Variants in C8A observed in about 807,000 individuals in gnomAD.
C8A encodes the protein complement component C8 alpha chain.
Under a neutral mutation model 65.3 loss-of-function variants are expected in C8A, and 67 were observed. The ratio of observed to expected loss-of-function variants is 1.03; its 90% CI spans 0.84 to 1.26. The LOEUF (loss-of-function observed/expected upper bound fraction) is 1.26, where lower values mean the gene tolerates loss of function less well. C8A is among the 50% of genes most tolerant of loss of function. The probability of loss-of-function intolerance (pLI) is 0.00; values close to 1 mark genes in which losing one functional copy is unlikely to be tolerated. For synonymous variants in C8A, 290 were observed against 259.4 expected (o/e 1.12, Z -1.13); for missense variants, 781 against 723.9 (o/e 1.08, Z -0.90).
At chr1:56,896,324 G>A (rs1644386920) in intron 7 of C8A, among the ~76,000 whole-genome samples, 1 of 152,116 alleles carries the variant, frequency 6.6e-6, no homozygotes, top group South Asian at 2.1e-4. Context: ...CACCCAGGAG[G>A]GCTGATGCTT....
intron 1 of C8A, among the ~76,000 whole-genome samples, chr1:56,866,232 AT>A (rs1644087231): frequency 6.6e-6 from 1 of 152,208 alleles, no homozygotes; most frequent in South Asian, 2.1e-4. Context: ...GATTCTAGCT[AT>A]TTTCTACTAA....
rs1489834172 is a variant in C8A, at chr1:56,875,092, A to G, written c.315A>G (p.Thr105=). 1 of 1,613,442 alleles carries G rather than the reference A, an allele frequency of 6.2e-7. No homozygotes were observed. Among genetic ancestry groups the G allele is most frequent in the Admixed American group, 1.7e-5 (1 of 59,966 alleles). Residue 105 remains threonine (T), a splice_region_variant and synonymous_variant, in exon 3 of 11, where the codon ACA becomes ACG. Coordinates refer to ENST00000361249, the MANE Select transcript of C8A (RefSeq NM_000562.3). ...GACAGGATTTCCAGTGTAAGGAGAC[A>G]GGTGAGTAGCATTTCAGCAGAATAA... is the stretch of plus-strand genomic sequence containing the variant. ...QCGQDFQCKE[T]GRCLKRHLVC...
rs562015889 is a variant in C8A, at chr1:56,907,838, T to C, written c.1223-118T>C. ...TAGCTAACCAAGAAGAGAAGAAGAA[T>C]GGTAAACATCTAAGGAAAACATGTA... On this transcript the variant is annotated intron_variant, in intron 8 of 10. Coordinates refer to ENST00000361249, the MANE Select transcript of C8A (RefSeq NM_000562.3). The C allele has an allele frequency of 3.6e-3, 4,309 of 1,205,568 alleles. 12 individuals carry two copies. The highest frequency in any genetic ancestry group is 4.9e-3 in the Non-Finnish European group (4,046 of 821,992). The allele number at this position is 1,205,568 out of a possible 1,614,324, so 74.7% of individuals were successfully genotyped here. A position where few individuals can be genotyped will look rare whatever the true frequency, so the allele number is the denominator to read the frequency against.
intron 7 of C8A, among the ~76,000 whole-genome samples, chr1:56,886,391 C>A (rs1242939246): frequency 6.6e-6 from 1 of 152,114 alleles, no homozygotes; most frequent in Non-Finnish European, 1.5e-5. Flanking sequence ...ACTTGTCTAG[C>A]CCCCTAAAAC....
chr1:56,878,837 C>T (rs900677303), intron 4 of C8A, among the ~76,000 whole-genome samples: 1 of 152,110 alleles, frequency 6.6e-6, no homozygotes, highest in Non-Finnish European at 1.5e-5. Flanking sequence ...TGACAATATG[C>T]ATTATATAGA....
rs1393166830 is a variant in C8A, at chr1:56,917,516, T to G, written c.1604-49T>G. 1.2e-6 allele frequency: 2 copies of G among 1,607,868 alleles called. 1 individual carries two copies. Among genetic ancestry groups the G allele is most frequent in the South Asian group, 2.2e-5 (2 of 90,682 alleles). Reference sequence around the variant, plus strand: ...TGTTCATCACCAGACAGGCCCTTCCTTCTTAGCCATATGCTAACCTTCTCC... The same window carrying G: ...TGTTCATCACCAGACAGGCCCTTCCGTCTTAGCCATATGCTAACCTTCTCC... On this transcript the variant is annotated intron_variant, in intron 10 of 10. Coordinates refer to ENST00000361249, the MANE Select transcript of C8A (RefSeq NM_000562.3).
intron 1 of C8A, among the ~76,000 whole-genome samples, chr1:56,856,374 A>T (rs1174326895): frequency 1.3e-5 from 2 of 152,132 alleles, no homozygotes; most frequent in Admixed American, 1.3e-4. Flanking sequence ...AAGTACTTAG[A>T]TCAATACCTG....
chr1:56,858,328 T>C (rs1008671313), intron 1 of C8A, among the ~76,000 whole-genome samples: 1 of 152,204 alleles, frequency 6.6e-6, no homozygotes, highest in African/African-American at 2.4e-5. Flanking sequence ...TAGGCATTTA[T>C]GAATACTGGC....
At chr1:56,863,784 A>G (rs1004667598) in intron 1 of C8A, among the ~76,000 whole-genome samples, 4 of 152,062 alleles carry the variant, frequency 2.6e-5, no homozygotes, top group African/African-American at 9.7e-5. Flanking sequence ...TATCTCAACA[A>G]TGTCACTGCC....
chr1:56,861,577 T>G (rs1644033925), intron 1 of C8A, among the ~76,000 whole-genome samples: 1 of 152,200 alleles, frequency 6.6e-6, no homozygotes, highest in Non-Finnish European at 1.5e-5. Flanking sequence ...AACATGAGTT[T>G]GTTTTTCTCC....
At chr1:56,867,074 A>T (rs1175394110) in intron 1 of C8A, among the ~76,000 whole-genome samples, 1 of 152,212 alleles carries the variant, frequency 6.6e-6, no homozygotes, top group African/African-American at 2.4e-5. Flanking sequence ...AAATGAGATA[A>T]TCCACATAAT....
chr1:56,890,311 C>A (rs1644334814), intron 7 of C8A, among the ~76,000 whole-genome samples: 1 of 152,154 alleles, frequency 6.6e-6, no homozygotes, highest in Non-Finnish European at 1.5e-5. Flanking sequence ...TGCTCCACCC[C>A]TTCTCCCATA....
Position 56,917,834 on chromosome 1 carries a change from C to A in C8A, c.*118C>A. 2 of 1,278,138 alleles carry A rather than the reference C, an allele frequency of 1.6e-6. No homozygotes were observed. The highest frequency in any genetic ancestry group is 2.2e-6 in the Non-Finnish European group (2 of 903,310). The allele number at this position is 1,278,138 out of a possible 1,614,324, so 79.2% of individuals were successfully genotyped here. ...AAATCAGCACACTTTTTTCTTTGTT[C>A]TGCCAGCTTCCAGGCCTAAGACTAG... On this transcript the variant is annotated 3_prime_UTR_variant, in exon 11 of 11. Transcript: ENST00000361249.
intron 10 of C8A, among the ~76,000 whole-genome samples, chr1:56,913,970 G>A (rs1270245699): frequency 6.6e-6 from 1 of 152,184 alleles, no homozygotes; most frequent in Non-Finnish European, 1.5e-5. Context: ...AAGAGCTCAG[G>A]ATAAGATTCT....
intron 3 of C8A, 114 bp from the exon 4 acceptor site, chr1:56,875,948 G>A (rs999261667): frequency 7.1e-7 from 1 of 1,399,318 alleles, no homozygotes; most frequent in African/African-American, 1.4e-5. Context: ...AGAACAGAAA[G>A]AGAATGGGAC....
At chr1:56,903,347 T>A (rs1017052132) in intron 7 of C8A, among the ~76,000 whole-genome samples, 92 of 152,182 alleles carry the variant, frequency 6.0e-4, no homozygotes, top group Non-Finnish European at 1.2e-3. Context: ...TTGGCACTTC[T>A]TCTTGGTGCC....
chr1:56,886,191 TAC>T (rs1171876390), intron 7 of C8A, 24 bp downstream of exon 7: 18 of 1,613,202 alleles, frequency 1.1e-5, no homozygotes, highest in Non-Finnish European at 1.4e-5. Flanking sequence ...AAGCTCTATG[TAC>T]ACAGTAGTCA....
At chr1:56,862,742 C>T (rs775667314) in intron 1 of C8A, among the ~76,000 whole-genome samples, 11 of 151,972 alleles carry the variant, frequency 7.2e-5, no homozygotes, top group South Asian at 2.1e-4. Flanking sequence ...CCCTATGCTC[C>T]GTATTAAATG....
intron 9 of C8A, 39 bp downstream of exon 9, chr1:56,908,152 A>T (rs756503173): frequency 1.3e-6 from 2 of 1,595,672 alleles, no homozygotes; most frequent in South Asian, 2.2e-5. Context: ...TACGTCCATG[A>T]GGAATGAAAG....
Sources: allele counts gnomAD v4.1 joint callset (sites outside exome capture counted in the v4.1 genomes callset), GRCh38; gene constraint gnomAD v4.1.1; transcripts MANE v1.5; gene names NCBI Gene and HGNC (gene_info 2026-07-23, HGNC 2026-07-21).